The following TUBD1 variants were observed in gnomAD, a reference collection of about 807,000 sequenced individuals.
TUBD1 encodes tubulin delta 1, also known as tubulin delta chain.
TUBD1 carries 38 observed loss-of-function variants against 51.2 expected under a neutral mutation model. The ratio of observed to expected loss-of-function variants is 0.74; its 90% confidence interval spans 0.57 to 0.97. The LOEUF (loss-of-function observed/expected upper bound fraction) is 0.97, where lower values mean the gene tolerates loss of function less well. Among genes scored for constraint, TUBD1 ranks in the 50% least tolerant of loss-of-function variants. The pLI is 0.00. For missense variants in TUBD1, 489 were observed against 538.4 expected (o/e 0.91, Z 0.91); for synonymous variants, 169 against 178.2 (o/e 0.95, Z 0.41).
chr17:59,877,509 C>T (rs1007180896), intron 5 of TUBD1, among the ~76,000 whole-genome samples: 19 of 152,290 alleles, frequency 1.2e-4, no homozygotes, highest in South Asian at 8.3e-4. Context: ...GGGCCGGGTG[C>T]GGTGGCTCAC....
chr17:59,883,330 T>G (rs1395578680), intron 3 of TUBD1, among the ~76,000 whole-genome samples: 1 of 151,420 alleles, frequency 6.6e-6, no homozygotes, highest in Admixed American at 6.6e-5. Context: ...AGTGCAATGG[T>G]GTGACCTTGG....
chr17:59,891,050 GAAAA>G lies in TUBD1; in HGVS notation c.-39-13_-39-10del. 6.8e-7 allele frequency: 1 copy of G among 1,475,028 alleles called. No homozygotes were observed. The highest frequency in any genetic ancestry group is 9.2e-7 in the Non-Finnish European group (1 of 1,084,632). 91.4% of individuals were successfully genotyped at this position (1,475,028 alleles called of 1,614,324 possible). Reference sequence around the variant, plus strand: ...TTACCTCTAAAAACAACCTGTAATCGAAAAAAATACGCTTTGAGAACCACTACAT... The same window carrying G: ...TTACCTCTAAAAACAACCTGTAATCGAAATACGCTTTGAGAACCACTACAT... On this transcript the variant is annotated splice_polypyrimidine_tract_variant and intron_variant, in intron 1 of 8. Transcript: ENST00000325752.
rs959009765 is a variant in TUBD1 at position 59,882,789 on chromosome 17, C to CT, written c.321-1680dup. On this transcript the variant is annotated intron_variant, in intron 3 of 8. Transcript: ENST00000325752. ...GTAACCATCCCTGGCTAATTTCTTT[C>CT]TTTTTTTTTTTTTGAGATGCAGACA... Among the ~76,000 whole-genome samples, 462 of 144,146 alleles carry CT rather than the reference C, an allele frequency of 3.2e-3. 4 individuals are homozygous for CT. The highest frequency in any genetic ancestry group is 9.2e-3 in the African/African-American group (366 of 39,738). The allele number at this position is 144,146 out of a possible 152,430, so 94.6% of individuals were successfully genotyped here.
At chr17:59,880,592 G>C (rs1329285278) in intron 4 of TUBD1, among the ~76,000 whole-genome samples, 1 of 151,892 alleles carries the variant, frequency 6.6e-6, no homozygotes, top group Non-Finnish European at 1.5e-5. Context: ...TTGGCTCACT[G>C]CAAGCTCCGC....
intron 6 of TUBD1, among the ~76,000 whole-genome samples, chr17:59,873,910 C>T (rs2040109629): frequency 6.6e-6 from 1 of 151,236 alleles, no homozygotes; most frequent in Non-Finnish European, 1.5e-5. Context: ...ATATAATTGG[C>T]CGGGCACGGT....
At chr17:59,860,541 C>T (rs1050472725) in intron 8 of TUBD1, 117 bp from the exon 9 acceptor site, 2 of 649,176 alleles carry the variant, frequency 3.1e-6, no homozygotes, top group African/African-American at 1.9e-5. Context: ...ATCACACAAT[C>T]GTTCAGAAGT....
intron 5 of TUBD1, among the ~76,000 whole-genome samples, chr17:59,876,199 T>C (rs2040216450): frequency 6.6e-6 from 1 of 152,096 alleles, no homozygotes; most frequent in East Asian, 1.9e-4. Context: ...TTTTTCTTTT[T>C]AGACAGTGTT....
At chr17:59,875,230 C>T (rs930213943) in intron 5 of TUBD1, among the ~76,000 whole-genome samples, 1 of 151,292 alleles carries the variant, frequency 6.6e-6, no homozygotes, top group African/African-American at 2.4e-5. Context: ...GCACGTACCA[C>T]CAAGCCCAGC....
In TUBD1 at chr17:59,874,702, T is replaced by C; in HGVS notation, c.771A>G (p.Gly257=). ...GGGGAACTAAATGCTCCATTAAGTC[T>C]CCTGTAAAGAAAAAAAAATCTGAAC... ...SSFHYRRNPL[G]DLMEHLVPHP... is the part of the protein sequence containing the mutation. Residue 257 remains glycine, a splice_region_variant and synonymous_variant, in exon 6 of 9, where the codon GGA becomes GGG. Coordinates refer to ENST00000325752, the MANE Select transcript of TUBD1 (RefSeq NM_016261.4). 1.2e-6 allele frequency: 2 copies of C among 1,600,818 alleles called. No individual in the cohort carries two copies. The highest frequency in any genetic ancestry group is 1.7e-6 in the Non-Finnish European group (2 of 1,176,890).
chr17:59,885,459 C>T (rs902004855), intron 3 of TUBD1: 23 of 1,550,144 alleles, frequency 1.5e-5, no homozygotes, highest in South Asian at 7.8e-5. Context: ...TCTACCAGCC[C>T]GTGGGACCAA....
chr17:59,880,962 T>C lies in TUBD1; in HGVS notation c.469A>G (p.Asn157Asp), dbSNP rs780470894. 1.9e-6 allele frequency: 3 copies of C among 1,614,146 alleles called. No homozygotes were observed. Among genetic ancestry groups the C allele is most frequent in the Non-Finnish European group, 1.7e-6 (2 of 1,180,026 alleles). Residue 157 changes from asparagine (N) to aspartate (D), a missense_variant, in exon 4 of 9, where the codon AAT becomes GAT. Coordinates refer to ENST00000325752, the MANE Select transcript of TUBD1 (RefSeq NM_016261.4). ...GSGLGAFVTQ[N>D]LEDQYSNSLK... ...GAGTTTGAGTACTGATCTTCTAAAT[T>C]CTGTGTAACGAAAGCTCCTAATCCT... is the stretch of plus-strand genomic sequence containing the variant.
chr17:59,878,519 CTG>C (rs2040331780), intron 4 of TUBD1, 185 bp from the exon 5 acceptor site: 1 of 528,146 alleles, frequency 1.9e-6, no homozygotes, highest in Non-Finnish European at 3.3e-6. Context: ...GATAGAGACT[CTG>C]TCGCCCAGGC....
At chr17:59,866,110 CAAAAAAAAAAAAAA>C (rs1191579900) in intron 7 of TUBD1, among the ~76,000 whole-genome samples, 2 of 76,222 alleles carry the variant, frequency 2.6e-5, no homozygotes, top group African/African-American at 3.9e-5. Context: ...GACCCCGTCT[CAAAAAAAAAAAAAA>C]AAAAAAAAAA....
intron 3 of TUBD1, among the ~76,000 whole-genome samples, chr17:59,885,753 A>G (rs1265866553): frequency 6.6e-6 from 1 of 152,226 alleles, no homozygotes; most frequent in Non-Finnish European, 1.5e-5. Flanking sequence ...AATGTGCAGC[A>G]AAGTTTGGGA....
In TUBD1 at chr17:59,874,331, T is replaced by C. The variant is rs74477756; in HGVS notation, c.934+208A>G. On this transcript the variant is annotated intron_variant, in intron 6 of 8. Coordinates refer to ENST00000325752, the MANE Select transcript of TUBD1 (RefSeq NM_016261.4). ...GATTAAAATAAAAATTTAAAAAAAA[T>C]CTGGCACTCATTTGAAATGTCTTTT... Among the ~76,000 whole-genome samples the C allele has an allele frequency of 7.2e-5, 11 of 152,174 alleles. No homozygotes were observed. The East Asian group carries it at 1.3e-3, about 19-fold the overall frequency.
chr17:59,882,014 T>C (rs1195021198), intron 3 of TUBD1, among the ~76,000 whole-genome samples: 1 of 152,114 alleles, frequency 6.6e-6, no homozygotes, highest in African/African-American at 2.4e-5. Flanking sequence ...TTAACTATAA[T>C]TTCCTAACTG....
At chr17:59,866,943 C>T (rs1352018432) in intron 6 of TUBD1, among the ~76,000 whole-genome samples, 194 bp from the exon 7 acceptor site, 1 of 152,052 alleles carries the variant, frequency 6.6e-6, no homozygotes, top group East Asian at 1.9e-4. Flanking sequence ...GAGGTGTGTG[C>T]CATCACGCCC....
intron 4 of TUBD1, among the ~76,000 whole-genome samples, chr17:59,880,304 A>ATCCG (rs2040424286): frequency 7.5e-6 from 1 of 132,798 alleles, no homozygotes; most frequent in Non-Finnish European, 1.6e-5. Flanking sequence ...TGATTTTTCC[A>ATCCG]CCTTGGCTTC....
Position 59,859,523 on chromosome 17 carries a change from ATATT to A in TUBD1, c.*795_*798del, listed in dbSNP as rs1157016126. The A allele has an allele frequency of 6.6e-6, 1 of 152,484 alleles. No individual in the cohort carries two copies. The highest frequency in any genetic ancestry group is 2.4e-5 in the African/African-American group (1 of 41,448). 9.4% of individuals were successfully genotyped at this position (152,484 alleles called of 1,614,324 possible). ...ATAAGCATTTATTACCAAAATCCTC[ATATT>A]TATTTTTAAATAGCTGCTTAGAGTG... On this transcript the variant is annotated 3_prime_UTR_variant, in exon 9 of 9. Transcript: ENST00000325752.
Sources: gnomAD v4.1 joint callset for allele counts (sites outside exome capture counted in the v4.1 genomes callset) on GRCh38, gnomAD v4.1.1 for gene constraint, MANE v1.5 for transcripts, NCBI Gene and HGNC (gene_info 2026-07-23, HGNC 2026-07-21) for gene names.